Variants in MGMT observed in about 807,000 individuals in gnomAD.
MGMT encodes O-6-methylguanine-DNA methyltransferase.
In MGMT, 14 loss-of-function variants were observed where a neutral mutation model predicts 15.9. The ratio of observed to expected loss-of-function variants is 0.88; its 90% CI spans 0.58 to 1.37. The LOEUF (loss-of-function observed/expected upper bound fraction) is 1.37. Among genes scored for constraint, MGMT ranks in the 40% most tolerant of loss-of-function variants. The probability of loss-of-function intolerance (pLI) is 0.00; values close to 1 mark genes in which losing one functional copy is unlikely to be tolerated. For missense variants in MGMT, 282 were observed against 268.1 expected (o/e 1.05, Z -0.36); for synonymous variants, 130 against 118.2 (o/e 1.10, Z -0.65).
chr10:129,679,449 A>G (rs938747493), intron 2 of MGMT, among the ~76,000 whole-genome samples: 4 of 152,170 alleles, frequency 2.6e-5, no homozygotes, highest in African/African-American at 9.7e-5. Context: ...CAAACACATG[A>G]GGCAGCCCAT....
At chr10:129,680,056 G>GT (rs1847829986) in intron 2 of MGMT, among the ~76,000 whole-genome samples, 1 of 152,190 alleles carries the variant, frequency 6.6e-6, no homozygotes, top group South Asian at 2.1e-4. Flanking sequence ...CTGTACAATG[G>GT]TGCAATTCAG....
In MGMT at chr10:129,767,139, C is replaced by T; in HGVS notation, c.*142C>T. The T allele has an allele frequency of 1.4e-6, 1 of 727,766 alleles. No individual in the cohort carries two copies. The highest frequency in any genetic ancestry group is 2.2e-6 in the Non-Finnish European group (1 of 459,128). The allele number at this position is 727,766 out of a possible 1,614,324, so 45.1% of individuals were successfully genotyped here. On this transcript the variant is annotated 3_prime_UTR_variant, in exon 5 of 5. Transcript: ENST00000651593. The stretch of plus-strand genomic sequence containing the variant: ...CTGCCCTTTCTGTTTCCATATTTTA[C>T]AGCAGGATGAGTTCAGACGCCCGCG...
intron 2 of MGMT, among the ~76,000 whole-genome samples, chr10:129,688,214 G>T (rs1847931441): frequency 6.6e-6 from 1 of 152,202 alleles, no homozygotes; most frequent in Non-Finnish European, 1.5e-5. Flanking sequence ...CCAGTAATGG[G>T]TTGGCTGGGC....
In MGMT at chr10:129,766,978, C is replaced by T. The variant is rs757562187; in HGVS notation, c.605C>T (p.Pro202Leu). ...LKGAGATSGSPPAGRN is the reference protein window; with the variant it reads ...LKGAGATSGSLPAGRN Reference sequence around the variant, plus strand: ...GGAGCGGGAGCTACCTCGGGCTCCCCGCCTGCTGGCCGAAACTGAGTATGT... The same window carrying T: ...GGAGCGGGAGCTACCTCGGGCTCCCTGCCTGCTGGCCGAAACTGAGTATGT... The change falls in exon 5 of 5, where the codon CCG becomes CTG. Residue 202 changes from proline to leucine, a missense_variant. Transcript: ENST00000651593. 170 of 1,602,914 alleles carry T rather than the reference C, an allele frequency of 1.1e-4. No individual in the cohort carries two copies. Among genetic ancestry groups the T allele is most frequent in the Middle Eastern group, 8.3e-4 (5 of 6,000 alleles).
At chr10:129,741,619 T>C (rs980278810) in intron 3 of MGMT, among the ~76,000 whole-genome samples, 22 of 152,312 alleles carry the variant, frequency 1.4e-4, no homozygotes, top group Admixed American at 2.6e-4. Context: ...GGCGGTTTTC[T>C]TCCCAGCTTA....
rs115291404 is a variant in MGMT, at chr10:129,580,969, A to G, written c.125+44592A>G. ...CCAGCCGCTGTCTGGTCCCACTGACATGGCACAGGAATCAAAGCAGGTGCT... is the reference window on the plus strand; with the variant it reads ...CCAGCCGCTGTCTGGTCCCACTGACGTGGCACAGGAATCAAAGCAGGTGCT... On this transcript the variant is annotated intron_variant, in intron 2 of 4. Transcript: ENST00000651593. Among the ~76,000 whole-genome samples, 724 of 152,366 alleles carry G rather than the reference A, an allele frequency of 4.8e-3. 5 individuals carry two copies. Among genetic ancestry groups the G allele is most frequent in the African/African-American group, 0.017 (687 of 41,586 alleles).
chr10:129,736,689 G>T (rs574234872), intron 3 of MGMT, among the ~76,000 whole-genome samples: 35 of 152,214 alleles, frequency 2.3e-4, no homozygotes, highest in African/African-American at 8.2e-4. Flanking sequence ...ATTTTGCAGC[G>T]GCTGGTACCG....
intron 3 of MGMT, among the ~76,000 whole-genome samples, chr10:129,726,379 G>A (rs754875739): frequency 2.0e-5 from 3 of 152,080 alleles, no homozygotes; most frequent in African/African-American, 7.2e-5. Context: ...TTGGGAACAC[G>A]AGCTGGTTTT....
At chr10:129,687,755 T>A (rs1034042298) in intron 2 of MGMT, among the ~76,000 whole-genome samples, 14 of 152,000 alleles carry the variant, frequency 9.2e-5, no homozygotes, top group South Asian at 8.3e-4. Context: ...CGTGCAGGTT[T>A]GTTACGTATG....
intron 2 of MGMT, among the ~76,000 whole-genome samples, chr10:129,645,374 A>T (rs1158403148): frequency 1.3e-5 from 2 of 152,070 alleles, no homozygotes; most frequent in Non-Finnish European, 2.9e-5. Context: ...CACCCACCTC[A>T]GCCTCCCAAA....
intron 2 of MGMT, among the ~76,000 whole-genome samples, chr10:129,649,131 C>T (rs1847428909): frequency 6.6e-6 from 1 of 152,170 alleles, no homozygotes. Context: ...AAGCGTAAAT[C>T]ACAGCCCCCT....
At chr10:129,492,733 C>A (rs1175939674) in intron 1 of MGMT, among the ~76,000 whole-genome samples, 1 of 152,170 alleles carries the variant, frequency 6.6e-6, no homozygotes, top group African/African-American at 2.4e-5. Flanking sequence ...TCCCAGTCCC[C>A]CTAGTCCTGG....
chr10:129,526,874 C>T (rs12268726), intron 1 of MGMT, among the ~76,000 whole-genome samples: 37,741 of 152,144 alleles, frequency 0.25, 5,629 homozygotes, highest in African/African-American at 0.43. Flanking sequence ...TGGCCTCTGG[C>T]GCCAACTGCT....
chr10:129,689,307 T>G (rs1458547466), intron 2 of MGMT, among the ~76,000 whole-genome samples: 1 of 152,230 alleles, frequency 6.6e-6, no homozygotes, highest in Non-Finnish European at 1.5e-5. Context: ...AAATATTTCA[T>G]TGAAAATTGC....
intron 2 of MGMT, among the ~76,000 whole-genome samples, chr10:129,629,121 G>T (rs997937719): frequency 6.6e-6 from 1 of 152,210 alleles, no homozygotes; most frequent in Non-Finnish European, 1.5e-5. Context: ...GGTCTACACC[G>T]CCATTTTACC....
At chr10:129,736,617 G>C (rs113011998) in intron 3 of MGMT, among the ~76,000 whole-genome samples, 8 of 151,920 alleles carry the variant, frequency 5.3e-5, no homozygotes, top group Non-Finnish European at 1.2e-4. Context: ...ATGTTAGCTG[G>C]TTATTTTGCT....
chr10:129,506,126 G>A (rs141340939), intron 1 of MGMT, among the ~76,000 whole-genome samples: 1 of 152,040 alleles, frequency 6.6e-6, no homozygotes, highest in African/African-American at 2.4e-5. Context: ...AACTGAGGGG[G>A]TGCTGCCGGC....
rs1195883192 is a variant in MGMT at position 129,533,929 on chromosome 10, G to T, written c.-12-2312G>T. Among the ~76,000 whole-genome samples, 1 of 152,162 alleles carries T rather than the reference G, an allele frequency of 6.6e-6. No homozygotes were observed. The highest frequency in any genetic ancestry group is 1.5e-5 in the Non-Finnish European group (1 of 68,040). ...GTGATGATTTGAATGAGACTTGGGG[G>T]AGTTGGGGCAGCGTACTCCAGGGGA... On this transcript the variant is annotated intron_variant, in intron 1 of 4. Coordinates refer to ENST00000651593, the MANE Select transcript of MGMT (RefSeq NM_002412.5). This position sits in a 1 kb window ranked among gnomAD's most constrained non-coding sequence, Gnocchi z 4.5.
chr10:129,698,804 T>C (rs1589943772), intron 2 of MGMT, among the ~76,000 whole-genome samples: 1 of 152,340 alleles, frequency 6.6e-6, no homozygotes, highest in East Asian at 1.9e-4. Flanking sequence ...TTGTAAATAA[T>C]TAGTTTCAGT....
Sources: allele counts gnomAD v4.1 joint callset (sites outside exome capture counted in the v4.1 genomes callset), GRCh38; gene constraint gnomAD v4.1.1; non-coding constraint Gnocchi (gnomAD v3.1); transcripts MANE v1.5; gene names NCBI Gene and HGNC (gene_info 2026-07-23, HGNC 2026-07-21).